Variants in SCHIP1 observed in about 807,000 individuals in gnomAD.
SCHIP1 encodes the protein schwannomin-interacting protein 1.
A neutral mutation model predicts 29.7 loss-of-function variants in SCHIP1; 8 were observed. The ratio of observed to expected loss-of-function variants is 0.27; its 90% CI spans 0.16 to 0.49. SCHIP1 has a LOEUF of 0.49. Ranked by LOEUF, SCHIP1 falls within the 20% of genes least tolerant of loss-of-function variation. The pLI, the probability that SCHIP1 is intolerant of heterozygous loss-of-function variation, is 0.99. For synonymous variants in SCHIP1, 76 were observed against 94.9 expected (o/e 0.80, Z 1.16); for missense variants, 193 against 294.6 (o/e 0.66, Z 2.52).
chr3:159,714,373 G>A, the SCHIP1 span, among the ~76,000 whole-genome samples: 1 of 152,188 alleles, frequency 6.6e-6, no homozygotes, highest in Non-Finnish European at 1.5e-5. Context: ...GGTTCACTGG[G>A]GCTTGTCGGA....
chr3:159,733,067 C>T, the SCHIP1 span, among the ~76,000 whole-genome samples: 1 of 152,078 alleles, frequency 6.6e-6, no homozygotes, highest in Non-Finnish European at 1.5e-5. Flanking sequence ...CCTCATAGTA[C>T]CACATGCAGA....
Position 159,861,176 on chromosome 3 carries a change from A to C in SCHIP1, c.31-4987A>C, listed in dbSNP as rs1226328469. Among the ~76,000 whole-genome samples, 2 of 152,204 alleles carry C rather than the reference A, an allele frequency of 1.3e-5. No homozygotes were observed. The highest frequency in any genetic ancestry group is 4.8e-5 in the African/African-American group (2 of 41,446). ...TAGCATGCTGAAGGCTTCTTGCTTC[A>C]GAGACACCACAATGCTGCTAGTAAG... On this transcript the variant is annotated intron_variant, in intron 1 of 6. Coordinates refer to ENST00000445224, the Ensembl canonical transcript of SCHIP1. This position sits in a 1 kb window ranked among gnomAD's most constrained non-coding sequence, Gnocchi z 4.1.
intron 2 of SCHIP1, among the ~76,000 whole-genome samples, chr3:159,867,997 A>T (rs183255981): frequency 1.1e-3 from 152 of 142,570 alleles, no homozygotes; most frequent in South Asian, 3.6e-3. Flanking sequence ...ATATAAATCA[A>T]TGATTTATAT....
chr3:159,287,131 G>T, the SCHIP1 span, among the ~76,000 whole-genome samples: 6 of 152,026 alleles, frequency 3.9e-5, no homozygotes, highest in Non-Finnish European at 8.8e-5. Flanking sequence ...TCTTTGTCAT[G>T]AAATTTTTGC....
At chr3:159,733,501 C>T in the SCHIP1 span, among the ~76,000 whole-genome samples, 28 of 152,110 alleles carry the variant, frequency 1.8e-4, no homozygotes, top group Non-Finnish European at 4.0e-4. Context: ...AAAAGAGATG[C>T]TAAATTACAG....
the SCHIP1 span, among the ~76,000 whole-genome samples, chr3:159,447,336 A>G: frequency 2.3e-4 from 35 of 152,354 alleles, no homozygotes; most frequent in South Asian, 1.2e-3. Flanking sequence ...CCAATAGATC[A>G]GAATCATGAT....
At chr3:159,631,842 T>A in the SCHIP1 span, among the ~76,000 whole-genome samples, 201 of 152,188 alleles carry the variant, frequency 1.3e-3, no homozygotes, top group South Asian at 0.012. Context: ...CACAAAAAAA[T>A]TTTTTTAATA....
At chr3:159,383,968 T>C in the SCHIP1 span, among the ~76,000 whole-genome samples, 95,339 of 148,782 alleles carry the variant, frequency 0.64, 31,117 homozygotes, top group East Asian at 0.74. Context: ...TCTATCCTGA[T>C]ACTTTGCTGA....
chr3:159,354,598 A>C, the SCHIP1 span, among the ~76,000 whole-genome samples: 1 of 152,198 alleles, frequency 6.6e-6, no homozygotes, highest in African/African-American at 2.4e-5. Context: ...CTCCTGAGGA[A>C]AGAGTATGGG....
the SCHIP1 span, among the ~76,000 whole-genome samples, chr3:159,783,998 C>T: frequency 6.5e-3 from 989 of 152,326 alleles, 7 homozygotes; most frequent in African/African-American, 0.023. Context: ...TAAAACCCTT[C>T]TGTGCTTTGC....
the SCHIP1 span, among the ~76,000 whole-genome samples, chr3:159,716,183 T>C: frequency 6.6e-6 from 1 of 152,226 alleles, no homozygotes; most frequent in African/African-American, 2.4e-5. Context: ...TAAAATCCTT[T>C]ACAGACAAGC....
At chr3:159,359,275 C>CTGAT in the SCHIP1 span, among the ~76,000 whole-genome samples, 342 of 152,164 alleles carry the variant, frequency 2.2e-3, 1 homozygote, top group African/African-American at 7.7e-3. Context: ...CAATTATATG[C>CTGAT]TGATAGGTTT....
chr3:159,506,426 C>T, the SCHIP1 span, among the ~76,000 whole-genome samples: 4 of 152,186 alleles, frequency 2.6e-5, no homozygotes, highest in Non-Finnish European at 4.4e-5. Flanking sequence ...TGCCTGTTCA[C>T]TCTGATGGTA....
At chr3:159,475,476 T>G in the SCHIP1 span, among the ~76,000 whole-genome samples, 1 of 151,612 alleles carries the variant, frequency 6.6e-6, no homozygotes, top group African/African-American at 2.4e-5. Context: ...TGGCAGGGAG[T>G]GAAGAAAATG....
At chr3:159,376,135 G>A in the SCHIP1 span, among the ~76,000 whole-genome samples, 1 of 151,746 alleles carries the variant, frequency 6.6e-6, no homozygotes, top group Non-Finnish European at 1.5e-5. Context: ...GCCCTGTTAG[G>A]TAACAGGGGA....
chr3:159,680,524 T>C, the SCHIP1 span, among the ~76,000 whole-genome samples: 1 of 115,238 alleles, frequency 8.7e-6, no homozygotes, highest in Non-Finnish European at 1.7e-5. Context: ...AAAATATATA[T>C]ATATGTATAT....
intron 1 of SCHIP1, chr3:159,852,947 A>C (rs915462774): frequency 1.3e-5 from 2 of 156,148 alleles, no homozygotes. Flanking sequence ...TCAGATTGCT[A>C]GTTTCCTCAC....
the SCHIP1 span, among the ~76,000 whole-genome samples, chr3:159,520,405 A>G: frequency 3.3e-5 from 5 of 152,342 alleles, no homozygotes; most frequent in African/African-American, 1.2e-4. Context: ...TTGGGGGTAC[A>G]GGACCCTACA....
chr3:159,399,126 G>T, the SCHIP1 span, among the ~76,000 whole-genome samples: 1 of 151,590 alleles, frequency 6.6e-6, no homozygotes, highest in Non-Finnish European at 1.5e-5. Context: ...TGGCTGTTTC[G>T]TCTGCTTGGA....
Sources: allele counts gnomAD v4.1 joint callset (sites outside exome capture counted in the v4.1 genomes callset), GRCh38; gene constraint gnomAD v4.1.1; non-coding constraint Gnocchi (gnomAD v3.1); transcripts MANE v1.5; gene names NCBI Gene and HGNC (gene_info 2026-07-23, HGNC 2026-07-21).